Variants in PDXDC1 observed in about 807,000 individuals in gnomAD.
The protein encoded by PDXDC1 is pyridoxal dependent decarboxylase domain containing 1.
A neutral mutation model predicts 100.1 loss-of-function variants in PDXDC1; 42 were observed. The ratio of observed to expected loss-of-function variants is 0.42; its 90% confidence interval spans 0.33 to 0.54. The LOEUF (loss-of-function observed/expected upper bound fraction) is 0.54, where lower values mean the gene tolerates loss of function less well. Ranked by LOEUF, PDXDC1 falls within the 20% of genes least tolerant of loss-of-function variation. The probability of loss-of-function intolerance (pLI) is 0.10; values close to 1 mark genes in which losing one functional copy is unlikely to be tolerated. For synonymous variants in PDXDC1, 260 were observed against 371.7 expected (o/e 0.70, Z 3.46); for missense variants, 636 against 979.2 (o/e 0.65, Z 4.68).
At chr16:15,112,836 A>G (rs1039562575) in intron 16 of PDXDC1, among the ~76,000 whole-genome samples, 2 of 111,592 alleles carry the variant, frequency 1.8e-5, no homozygotes, top group Admixed American at 2.1e-4. Context: ...GACAAGGACA[A>G]AGATGAGAGG....
chr16:15,129,615 C>A (rs1005737295), intron 16 of PDXDC1, among the ~76,000 whole-genome samples: 1 of 152,236 alleles, frequency 6.6e-6, no homozygotes, highest in Non-Finnish European at 1.5e-5. Flanking sequence ...TAGCGATGCT[C>A]ATGTCACTTG....
chr16:15,059,115 G>T (rs1194371359), intron 16 of PDXDC1, among the ~76,000 whole-genome samples: 1 of 152,184 alleles, frequency 6.6e-6, no homozygotes, highest in African/African-American at 2.4e-5. Context: ...CGAATCACCA[G>T]GGGGCTTTAA....
intron 16 of PDXDC1, chr16:15,069,992 A>T: frequency 7.8e-7 from 1 of 1,275,936 alleles, no homozygotes; most frequent in Admixed American, 2.3e-5. Context: ...TAAAAATCTC[A>T]AAAAAGTAAT....
intron 1 of PDXDC1, among the ~76,000 whole-genome samples, chr16:14,992,794 C>T (rs1471783545): frequency 6.6e-6 from 1 of 152,186 alleles, no homozygotes; most frequent in Non-Finnish European, 1.5e-5. Flanking sequence ...CTCTCTGCAT[C>T]TTAGTTTCCT....
downstream of PDXDC1, chr16:15,040,977 C>G: frequency 1.1e-6 from 1 of 883,716 alleles, no homozygotes; most frequent in South Asian, 1.3e-5. Context: ...CTGTCCCATC[C>G]TGACAGCAGT....
chr16:15,021,606 C>T (rs1462281458), intron 12 of PDXDC1, among the ~76,000 whole-genome samples: 1 of 152,278 alleles, frequency 6.6e-6, no homozygotes, highest in Non-Finnish European at 1.5e-5. Context: ...ACTACCAGAC[C>T]CTTGAGGTCA....
intron 16 of PDXDC1, chr16:15,065,080 G>T: frequency 1.3e-6 from 1 of 769,072 alleles, no homozygotes; most frequent in Non-Finnish European, 2.1e-6. Flanking sequence ...TCAGGAGAAT[G>T]GTGTGAACCC....
Position 15,031,137 on chromosome 16 carries a change from C to CTTTTTTTT in PDXDC1, c.1400-598_1400-597insTTTTTTTT, listed in dbSNP as rs1270155714. On this transcript the variant is annotated intron_variant, in intron 16 of 22. Coordinates refer to ENST00000396410, the MANE Select transcript of PDXDC1 (RefSeq NM_015027.4). Reference sequence around the variant, plus strand: ...ATTTTTTTTTTTTTTTTTTTTTTTCCATAGAGACGTGGTCTCACTCTGTCA... The same window carrying CTTTTTTTT: ...ATTTTTTTTTTTTTTTTTTTTTTTCCTTTTTTTTATAGAGACGTGGTCTCACTCTGTCA... Among the ~76,000 whole-genome samples the CTTTTTTTT allele has an allele frequency of 6.8e-4, 78 of 114,214 alleles. 2 individuals carry two copies. The highest frequency in any genetic ancestry group is 8.5e-4 in the South Asian group (3 of 3,516). 74.9% of individuals were successfully genotyped at this position (114,214 alleles called of 152,430 possible).
intron 1 of PDXDC1, among the ~76,000 whole-genome samples, chr16:14,994,323 G>A (rs1302425266): frequency 1.3e-5 from 2 of 152,298 alleles, no homozygotes; most frequent in African/African-American, 4.8e-5. Context: ...TGTATAAGAT[G>A]TAAGGAAGGG....
At chr16:15,012,697 T>C (rs981727387) in intron 8 of PDXDC1, among the ~76,000 whole-genome samples, 3 of 152,238 alleles carry the variant, frequency 2.0e-5, no homozygotes, top group Non-Finnish European at 2.9e-5. Context: ...CAAAAAATAC[T>C]AAACATTAGC....
intron 16 of PDXDC1, chr16:15,071,054 T>C: frequency 1.4e-6 from 2 of 1,403,356 alleles, no homozygotes; most frequent in East Asian, 2.3e-5. Context: ...TATTTCTGAC[T>C]TGAGACAATG....
chr16:15,125,546 C>A, intron 16 of PDXDC1: 2 of 1,586,366 alleles, frequency 1.3e-6, no homozygotes, highest in South Asian at 2.2e-5. Flanking sequence ...TCTAGGGGAA[C>A]CCACCTCTTA....
At chr16:15,126,039 A>C (rs1433854289) in intron 16 of PDXDC1, 7 of 467,264 alleles carry the variant, frequency 1.5e-5, no homozygotes, top group South Asian at 2.9e-5. Context: ...TTTCAATTTC[A>C]TTTTTTTTTT....
intron 6 of PDXDC1, among the ~76,000 whole-genome samples, chr16:15,007,348 T>C (rs576979235): frequency 8.0e-4 from 121 of 152,154 alleles, no homozygotes; most frequent in African/African-American, 2.9e-3. Context: ...TTTTTTTGTA[T>C]TTTTTTTAGT....
In PDXDC1 at chr16:15,028,961, C is replaced by T. The variant is rs149469814; in HGVS notation, c.1288C>T (p.Arg430Cys). 114 of 1,612,512 alleles carry T rather than the reference C, an allele frequency of 7.1e-5. No homozygotes were observed. The highest frequency in any genetic ancestry group is 1.3e-4 in the African/African-American group (10 of 74,954). ...RERHSCDALN[R>C]WLGEQLKQLV... ...GAGGCACTCGTGTGACGCGCTGAAT[C>T]GCTGGGTGAGAATGGCAGTCACCCC... The change falls in exon 15 of 23, where the codon CGC (arginine) becomes TGC (cysteine). Residue 430 changes from arginine (R) to cysteine (C), a missense_variant. Transcript: ENST00000396410.
intron 16 of PDXDC1, among the ~76,000 whole-genome samples, chr16:15,098,457 T>C (rs1197308127): frequency 6.6e-6 from 1 of 151,964 alleles, no homozygotes; most frequent in African/African-American, 2.4e-5. Context: ...TACCTTGACC[T>C]CCTAAAATGC....
In PDXDC1 at chr16:15,137,651, G is replaced by A. The variant is rs1210513555; in HGVS notation, c.1400-1228G>A. 6.2e-6 allele frequency: 8 copies of A among 1,289,764 alleles called. 1 individual carries two copies. In the Admixed American group the frequency reaches 1.4e-4, roughly 22 times the overall value. 79.9% of individuals were successfully genotyped at this position (1,289,764 alleles called of 1,614,324 possible). ...TCCCATGCTGTTCCCTTGGCCCGGAGCCCCCCCCCAGAGAGGCCTTCCTGA... is the reference window on the plus strand; with the variant it reads ...TCCCATGCTGTTCCCTTGGCCCGGAACCCCCCCCCAGAGAGGCCTTCCTGA... On this transcript the variant is annotated intron_variant, in intron 16 of 16. Coordinates refer to the PDXDC1 transcript ENST00000535621.
intron 16 of PDXDC1, chr16:15,072,826 C>G: frequency 4.2e-6 from 4 of 961,860 alleles, no homozygotes; most frequent in Non-Finnish European, 6.2e-6. Context: ...ATTAAGCAGA[C>G]TAGCAAGTAA....
chr16:15,038,391 C>A (rs2151679437), downstream of PDXDC1: 15 of 617,442 alleles, frequency 2.4e-5, 1 homozygote, highest in South Asian at 3.2e-4. Flanking sequence ...ACACACATTT[C>A]CATCTAGGAC....
Sources: allele counts gnomAD v4.1 joint callset (sites outside exome capture counted in the v4.1 genomes callset), GRCh38; gene constraint gnomAD v4.1.1; transcripts MANE v1.5; gene names NCBI Gene and HGNC (gene_info 2026-07-23, HGNC 2026-07-21).